SERPIND1: variants seen among roughly 807,000 people sequenced by gnomAD.
SERPIND1 encodes serpin family D member 1.
Under a neutral mutation model 35.0 loss-of-function variants are expected in SERPIND1, and 34 were observed. The observed-to-expected ratio is 0.97, with a 90% CI of 0.74 to 1.29. The LOEUF is 1.29. Among genes scored for constraint, SERPIND1 ranks in the 50% most tolerant of loss-of-function variants. The probability of loss-of-function intolerance (pLI) is 0.00; values close to 1 mark genes in which losing one functional copy is unlikely to be tolerated. For missense variants in SERPIND1, 633 were observed against 637.7 expected (o/e 0.99, Z 0.08); for synonymous variants, 236 against 241.1 (o/e 0.98, Z 0.19).
Position 20,787,363 on chromosome 22 carries a change from G to A in SERPIND1, c.*297G>A, listed in dbSNP as rs1934332388. 1.4e-5 allele frequency: 6 copies of A among 428,080 alleles called. No homozygotes were observed. The East Asian group carries it at 2.6e-4, about 18-fold the overall frequency. 26.5% of individuals were successfully genotyped at this position (428,080 alleles called of 1,614,324 possible). A position where few individuals can be genotyped will look rare whatever the true frequency, so the allele number is the denominator to read the frequency against. On this transcript the variant is annotated 3_prime_UTR_variant, in exon 5 of 5. Transcript: ENST00000215727. ...AGCAAACCTGAGCAGCGCGTCCTAA[G>A]CACCTCCCGCTCCGGTGACCCCATC...
intron 2 of SERPIND1, among the ~76,000 whole-genome samples, chr22:20,783,343 T>C (rs1933940674): frequency 6.6e-6 from 1 of 150,688 alleles, no homozygotes; most frequent in South Asian, 2.1e-4. Flanking sequence ...ATGCCTATAA[T>C]CCCAGTGCTT....
chr22:20,783,946 A>G, intron 2 of SERPIND1, 26 bp from the exon 3 acceptor site: 1 of 1,614,134 alleles, frequency 6.2e-7, no homozygotes, highest in Non-Finnish European at 8.5e-7. Context: ...CCTTCTCATA[A>G]CAGCCTCTTC....
Position 20,780,140 on chromosome 22 carries a change from T to A in SERPIND1, c.828T>A (p.Asp276Glu), listed in dbSNP as rs1272742977. ...AGCTCACCAAGGGCCTCATAAAAGA[T>A]GCTCTGGAGAATATAGACCCTGCTA... The part of the protein sequence containing the change: ...IMKLTKGLIK[D>E]ALENIDPATQ... The change falls in exon 2 of 5, where the codon GAT (aspartate) becomes GAA (glutamate). Residue 276 changes from aspartate (D) to glutamate (E), a missense_variant. Physicochemically the swap from Asp to Glu is conservative, Grantham distance 45. Coordinates refer to ENST00000215727, the MANE Select transcript of SERPIND1 (RefSeq NM_000185.4). 1 of 1,614,098 alleles carries A rather than the reference T, an allele frequency of 6.2e-7. No individual in the cohort carries two copies. The highest frequency in any genetic ancestry group is 8.5e-7 in the Non-Finnish European group (1 of 1,180,036).
In SERPIND1 at chr22:20,785,980, G is replaced by GC. The variant is rs1188918780; in HGVS notation, c.1164-18dup. On this transcript the variant is annotated intron_variant, in intron 3 of 4. Coordinates refer to ENST00000215727, the MANE Select transcript of SERPIND1 (RefSeq NM_000185.4). Reference sequence around the variant, plus strand: ...GTAACTTGTGGTTCAATAAAACTGGGCCCCCCTTTCCTTTTCTGTCTAGAA... The same window carrying GC: ...GTAACTTGTGGTTCAATAAAACTGGGCCCCCCCTTTCCTTTTCTGTCTAGAA... 3.7e-6 allele frequency: 6 copies of GC among 1,614,076 alleles called. No homozygotes were observed. In the South Asian group the frequency reaches 5.5e-5, roughly 15 times the overall value.
chr22:20,780,988 A>C (rs955498578), intron 2 of SERPIND1, among the ~76,000 whole-genome samples: 1 of 152,186 alleles, frequency 6.6e-6, no homozygotes, highest in Non-Finnish European at 1.5e-5. Flanking sequence ...CAAAAGGCTA[A>C]AGAAATGCAC....
At position 20,784,177 on chromosome 22, in the gene SERPIND1, G is replaced by A; in HGVS notation, c.1095G>A (p.Gly365=). The stretch of plus-strand genomic sequence containing the variant: ...TTGTGGTCCCACACAAGATGTCTGG[G>A]ATGAAGACCCTCGAAGCGCAACTGA... ...MLIVVPHKMS[G]MKTLEAQLTP... Residue 365 remains glycine (G), a synonymous_variant, in exon 3 of 5, where the codon GGG becomes GGA. Coordinates refer to ENST00000215727, the MANE Select transcript of SERPIND1 (RefSeq NM_000185.4). 6.2e-7 allele frequency: 1 copy of A among 1,614,194 alleles called. No homozygotes were observed. The highest frequency in any genetic ancestry group is 8.5e-7 in the Non-Finnish European group (1 of 1,180,038).
intron 3 of SERPIND1, among the ~76,000 whole-genome samples, chr22:20,785,365 CT>C (rs1458548718): frequency 2.0e-5 from 3 of 152,232 alleles, no homozygotes; most frequent in Non-Finnish European, 4.4e-5. Context: ...GCCGCTGTGC[CT>C]GGCCCATTTG....
intron 1 of SERPIND1, 78 bp from the exon 2 acceptor site, chr22:20,779,219 G>A (rs552942661): frequency 4.4e-6 from 7 of 1,604,318 alleles, no homozygotes; most frequent in Non-Finnish European, 5.9e-6. Context: ...AAAGCCACAG[G>A]GAACCTGCCA....
chr22:20,783,688 G>A (rs2147503562), intron 2 of SERPIND1, among the ~76,000 whole-genome samples: 1 of 152,314 alleles, frequency 6.6e-6, no homozygotes, highest in South Asian at 2.1e-4. Flanking sequence ...AGATGTGACA[G>A]ATGAAGAAAT....
At chr22:20,786,838 TG>T in intron 4 of SERPIND1, 36 bp from the exon 5 acceptor site, 1 of 1,605,378 alleles carries the variant, frequency 6.2e-7, no homozygotes, top group Non-Finnish European at 8.5e-7. Context: ...CTCTGTGTGC[TG>T]ACCTCCAGAA....
At chr22:20,786,837 C>A in intron 4 of SERPIND1, 38 bp from the exon 5 acceptor site, 1 of 1,602,300 alleles carries the variant, frequency 6.2e-7, no homozygotes, top group Non-Finnish European at 8.6e-7. Context: ...CCTCTGTGTG[C>A]TGACCTCCAG....
chr22:20,776,943 C>T (rs1303190728), intron 1 of SERPIND1, among the ~76,000 whole-genome samples: 5 of 152,182 alleles, frequency 3.3e-5, no homozygotes, highest in African/African-American at 1.2e-4. Flanking sequence ...TAACTCTTAC[C>T]TGGCCTCAAC....
rs764700693 is a variant in SERPIND1 at position 20,787,066 on chromosome 22, G to A, written c.1500G>A (p.Ter500=). The change falls in exon 5 of 5, where the codon TAG becomes TAA. Residue 500 remains the stop codon, a stop_retained_variant. Transcript: ENST00000215727. ...GAGTGGCCAACCCCAGCAGGTCCTA[G>A]AGGTGGAGGTCTAGGTGTCTGAAGT... The part of the protein sequence containing the change: ...MGRVANPSRS[*] 2.5e-6 allele frequency: 4 copies of A among 1,614,060 alleles called. No individual in the cohort carries two copies. The highest frequency in any genetic ancestry group is 1.7e-4 in the Middle Eastern group (1 of 6,036).
chr22:20,783,218 C>A (rs185728976), intron 2 of SERPIND1, among the ~76,000 whole-genome samples: 2 of 152,290 alleles, frequency 1.3e-5, no homozygotes, highest in Admixed American at 1.3e-4. Context: ...CCCATATCTA[C>A]AGTGGTGATC....
chr22:20,779,656 A>G lies in SERPIND1; in HGVS notation c.344A>G (p.Gln115Arg). 1.3e-5 allele frequency: 21 copies of G among 1,614,050 alleles called. No individual in the cohort carries two copies. The highest frequency in any genetic ancestry group is 1.8e-5 in the Non-Finnish European group (21 of 1,179,856). Residue 115 changes from glutamine (Q) to arginine (R), a missense_variant, in exon 2 of 5, where the codon CAG becomes CGG. By Grantham distance (43) the Gln-to-Arg change is conservative (BLOSUM62 1). Coordinates refer to ENST00000215727, the MANE Select transcript of SERPIND1 (RefSeq NM_000185.4). ...GATGTGAGTGCTGGGAACATCCTCC[A>G]GCTTTTTCATGGCAAGAGCCGGATC... is the stretch of plus-strand genomic sequence containing the variant. Reference protein sequence around the residue: ...DSDVSAGNILQLFHGKSRIQR... With the variant: ...DSDVSAGNILRLFHGKSRIQR...
chr22:20,776,013 C>T (rs749863478), intron 1 of SERPIND1, among the ~76,000 whole-genome samples: 1 of 152,124 alleles, frequency 6.6e-6, no homozygotes, highest in Non-Finnish European at 1.5e-5. Context: ...CTATTTGCAG[C>T]TACATACATT....
At chr22:20,776,610 C>T (rs556526231) in intron 1 of SERPIND1, among the ~76,000 whole-genome samples, 1 of 152,262 alleles carries the variant, frequency 6.6e-6, no homozygotes, top group African/African-American at 2.4e-5. Flanking sequence ...CTCTGCACGG[C>T]CAGGGAGTCT....
chr22:20,774,811 T>G (rs1481906894), intron 1 of SERPIND1, among the ~76,000 whole-genome samples: 1 of 149,302 alleles, frequency 6.7e-6, no homozygotes, highest in Non-Finnish European at 1.5e-5. Context: ...GAACAAGATA[T>G]AGGAGACCTA....
At chr22:20,774,665 G>A (rs1437082712) in intron 1 of SERPIND1, among the ~76,000 whole-genome samples, 3 of 152,016 alleles carry the variant, frequency 2.0e-5, no homozygotes, top group Admixed American at 2.0e-4. Context: ...GGAGGCTGAG[G>A]CAGGAGAATC....
Sources: gnomAD v4.1 joint callset for allele counts (sites outside exome capture counted in the v4.1 genomes callset) on GRCh38, gnomAD v4.1.1 for gene constraint, MANE v1.5 for transcripts, NCBI Gene and HGNC (gene_info 2026-07-23, HGNC 2026-07-21) for gene names.